AXIN1: variants seen among roughly 807,000 people sequenced by gnomAD.
AXIN1 encodes the protein axin 1.
In AXIN1, 30 loss-of-function variants were observed where a neutral mutation model predicts 76.4. The observed-to-expected ratio is 0.39, with a 90% CI of 0.29 to 0.53. The LOEUF (loss-of-function observed/expected upper bound fraction) is 0.53. AXIN1 is among the 20% of genes least tolerant of loss of function. The pLI is 0.66. For missense variants in AXIN1, 1,140 were observed against 1,198.8 expected (o/e 0.95, Z 0.72); for synonymous variants, 545 against 501.4 (o/e 1.09, Z -1.16).
chr16:341,553 C>T (rs1440556986), intron 2 of AXIN1, among the ~76,000 whole-genome samples: 1 of 152,250 alleles, frequency 6.6e-6, no homozygotes, highest in Non-Finnish European at 1.5e-5. Context: ...CCACCCCCTC[C>T]GTGGGCTCCT....
At chr16:351,453 T>C (rs1478579136) in intron 1 of AXIN1, among the ~76,000 whole-genome samples, 1 of 151,930 alleles carries the variant, frequency 6.6e-6, no homozygotes, top group Non-Finnish European at 1.5e-5. Context: ...CTACTAAAAA[T>C]ACAAAAATTA....
rs891873342 is a variant in AXIN1 at position 312,056 on chromosome 16, G to A, written c.1020-1987C>T. Among the ~76,000 whole-genome samples the A allele has an allele frequency of 1.3e-5, 2 of 152,162 alleles. 1 individual carries two copies. Among genetic ancestry groups the A allele is most frequent in the South Asian group, 4.1e-4 (2 of 4,824 alleles). On this transcript the variant is annotated intron_variant, in intron 3 of 10. Coordinates refer to ENST00000262320, the MANE Select transcript of AXIN1 (RefSeq NM_003502.4). ...AAAACTCACCTAACACTTGCCTCGG[G>A]GTTTGTTGAAGTGTCCTGAAGCCAC...
intron 8 of AXIN1, chr16:292,771 C>T (rs12928131): frequency 0.12 from 18,442 of 152,298 alleles, 1,408 homozygotes; most frequent in South Asian, 0.22. Flanking sequence ...TGGCCTGGAG[C>T]GAAAATGCTG....
chr16:301,672 G>T (rs1271689255), intron 5 of AXIN1, among the ~76,000 whole-genome samples: 1 of 152,122 alleles, frequency 6.6e-6, no homozygotes, highest in African/African-American at 2.4e-5. Flanking sequence ...ATGGGAACCT[G>T]CCCTACTAGA....
At chr16:349,956 C>T (rs886864098) in intron 1 of AXIN1, among the ~76,000 whole-genome samples, 4 of 152,114 alleles carry the variant, frequency 2.6e-5, no homozygotes, top group Non-Finnish European at 5.9e-5. Flanking sequence ...GAGTCATCAA[C>T]GCCCGGCTAA....
In AXIN1 at chr16:346,801, A is replaced by G; in HGVS notation, c.225T>C (p.Ser75=). The change falls in exon 2 of 11, where the codon AGT becomes AGC. Residue 75 remains serine (S), a synonymous_variant. Coordinates refer to ENST00000262320, the MANE Select transcript of AXIN1 (RefSeq NM_003502.4). ...TCAAGTATGGTGGGGTGGGGGAGGC[A>G]CTGCCCTCAGGCTCATACCCCAGGT... ...DLDLGYEPEG[S]ASPTPPYLKW... 1 of 1,612,672 alleles carries G rather than the reference A, an allele frequency of 6.2e-7. No individual in the cohort carries two copies. Among genetic ancestry groups the G allele is most frequent in the South Asian group, 1.1e-5 (1 of 91,032 alleles).
At chr16:321,732 C>G (rs1461100062) in intron 2 of AXIN1, among the ~76,000 whole-genome samples, 1 of 152,128 alleles carries the variant, frequency 6.6e-6, no homozygotes, top group Non-Finnish European at 1.5e-5. Flanking sequence ...GTTAAACCCT[C>G]TCATAGCTGG....
rs765410796 is a variant in AXIN1 at position 297,745 on chromosome 16, G to A, written c.1761C>T (p.Asn587=). 2.2e-5 allele frequency: 35 copies of A among 1,598,492 alleles called. No individual in the cohort carries two copies. Among genetic ancestry groups the A allele is most frequent in the African/African-American group, 1.2e-4 (9 of 74,728 alleles). The stretch of plus-strand genomic sequence containing the variant: ...ACCTGTGGGCGAGGCCATCACTGGC[G>A]TTGGGGGCAGCGCCAACACTCTCTG... The part of the protein sequence containing the change: ...GYSESVGAAP[N]ASDGLAHSGK... The change falls in exon 6 of 11, where the codon AAC becomes AAT. Residue 587 remains asparagine, a synonymous_variant. Transcript: ENST00000262320.
intron 5 of AXIN1, among the ~76,000 whole-genome samples, chr16:298,539 GCT>G (rs1171778230): frequency 6.6e-6 from 1 of 152,298 alleles, no homozygotes; most frequent in African/African-American, 2.4e-5. Flanking sequence ...ACAAGTTCTT[GCT>G]CTGTTGCCCA....
intron 1 of AXIN1, 44 bp downstream of exon 1, chr16:352,325 G>A: frequency 2.1e-6 from 2 of 969,890 alleles, no homozygotes; most frequent in Non-Finnish European, 2.4e-6. Flanking sequence ...CCGCCCGCCC[G>A]GCCTACCGCG....
At chr16:301,034 G>A (rs1185328285) in intron 5 of AXIN1, among the ~76,000 whole-genome samples, 3 of 152,198 alleles carry the variant, frequency 2.0e-5, no homozygotes, top group Non-Finnish European at 4.4e-5. Flanking sequence ...ACTTTGGGAG[G>A]CCGAGGCGGG....
chr16:305,541 GTTT>G (rs113081378), intron 4 of AXIN1, among the ~76,000 whole-genome samples: 1 of 151,474 alleles, frequency 6.6e-6, no homozygotes, highest in Non-Finnish European at 1.5e-5. Flanking sequence ...TTTGTTTTTG[GTTT>G]TTTTTGTTTT....
At chr16:288,325 T>G (rs1596957778) in intron 10 of AXIN1, 77 bp from the exon 11 acceptor site, 1 of 1,577,460 alleles carries the variant, frequency 6.3e-7, no homozygotes, top group Non-Finnish European at 8.6e-7. Context: ...GGGGACGGCG[T>G]GTCCACACCC....
intron 1 of AXIN1, among the ~76,000 whole-genome samples, chr16:350,997 G>C (rs2141721759): frequency 6.6e-6 from 1 of 152,292 alleles, no homozygotes; most frequent in Non-Finnish European, 1.5e-5. Flanking sequence ...CAGGCTTGGT[G>C]GCGCATGCCT....
At chr16:327,643 C>T (rs1320272913) in intron 2 of AXIN1, among the ~76,000 whole-genome samples, 5 of 152,252 alleles carry the variant, frequency 3.3e-5, no homozygotes, top group East Asian at 3.8e-4. Context: ...GCCACCCACA[C>T]CTGCCATCCC....
At chr16:352,276 C>A in intron 1 of AXIN1, 93 bp downstream of exon 1, 1 of 796,702 alleles carries the variant, frequency 1.3e-6, no homozygotes, top group Non-Finnish European at 1.5e-6. Context: ...CTCGGTCCCA[C>A]GCGCGTCAGC....
chr16:296,793 G>A (rs1375582621), intron 7 of AXIN1, among the ~76,000 whole-genome samples: 2 of 152,156 alleles, frequency 1.3e-5, no homozygotes, highest in East Asian at 1.9e-4. Flanking sequence ...TGCTGCCTGC[G>A]GGGTGACAGC....
chr16:288,436 T>C (rs1248180969), intron 10 of AXIN1, 188 bp from the exon 11 acceptor site: 9 of 812,936 alleles, frequency 1.1e-5, no homozygotes, highest in Admixed American at 2.1e-5. Context: ...GTGGGTGAAG[T>C]GGGCAGCCAT....
At chr16:306,655 G>A (rs1163665203) in intron 4 of AXIN1, among the ~76,000 whole-genome samples, 4 of 152,236 alleles carry the variant, frequency 2.6e-5, no homozygotes, top group Non-Finnish European at 4.4e-5. Context: ...CACAGTAGAC[G>A]AGGCTCAGAG....
Sources: gnomAD v4.1 joint callset for allele counts (sites outside exome capture counted in the v4.1 genomes callset) on GRCh38, gnomAD v4.1.1 for gene constraint, MANE v1.5 for transcripts, NCBI Gene and HGNC (gene_info 2026-07-23, HGNC 2026-07-21) for gene names.